EEFSEC: variants seen among roughly 807,000 people sequenced by gnomAD.
EEFSEC encodes the protein selenocysteine-specific elongation factor.
Under a neutral mutation model 42.1 loss-of-function variants are expected in EEFSEC, and 43 were observed. The ratio of observed to expected loss-of-function variants is 1.02; its 90% CI spans 0.80 to 1.32. EEFSEC has a LOEUF of 1.32. EEFSEC is among the 40% of genes most tolerant of loss of function. The pLI is 0.00. For synonymous variants in EEFSEC, 354 were observed against 339.1 expected (o/e 1.04, Z -0.48); for missense variants, 745 against 803.6 (o/e 0.93, Z 0.88).
intron 6 of EEFSEC, among the ~76,000 whole-genome samples, chr3:128,384,743 C>T (rs896613305): frequency 3.9e-5 from 6 of 152,168 alleles, no homozygotes; most frequent in Non-Finnish European, 7.4e-5. Context: ...TTCATTCAGC[C>T]GCTGTTTCCC....
rs183565239 is a variant in EEFSEC at position 128,374,128 on chromosome 3, T to C, written c.1600+15755T>C. 3.9e-5 allele frequency among the ~76,000 whole-genome samples: 6 copies of C among 152,310 alleles called. No individual in the cohort carries two copies. The East Asian group carries it at 9.7e-4, about 25-fold the overall frequency. On this transcript the variant is annotated intron_variant, in intron 6 of 6. Coordinates refer to ENST00000254730, the MANE Select transcript of EEFSEC (RefSeq NM_021937.5). ...CTCTGGAGGGTGCAGTTGGAAACCA[T>C]GAGTATGAAGTGCCCACCCAGGGTC... is the stretch of plus-strand genomic sequence containing the variant.
intron 6 of EEFSEC, among the ~76,000 whole-genome samples, chr3:128,376,079 G>C: frequency 6.6e-6 from 1 of 152,186 alleles, no homozygotes; most frequent in East Asian, 1.9e-4. Context: ...TGGTCTTCCA[G>C]CTGCAAGTCC....
At chr3:128,363,506 C>T (rs2067553908) in intron 6 of EEFSEC, among the ~76,000 whole-genome samples, 1 of 152,168 alleles carries the variant, frequency 6.6e-6, no homozygotes, top group Non-Finnish European at 1.5e-5. Context: ...GGTCATTCAG[C>T]TCAGTGGGCC....
chr3:128,385,627 G>A (rs1005527726), intron 6 of EEFSEC, among the ~76,000 whole-genome samples: 4 of 152,224 alleles, frequency 2.6e-5, no homozygotes, highest in African/African-American at 4.8e-5. Context: ...TGCCCAGCAC[G>A]TGCTGACTGT....
rs143194706 is a variant in EEFSEC at position 128,375,484 on chromosome 3, C to T, written c.1600+17111C>T. Among the ~76,000 whole-genome samples, 10 of 152,314 alleles carry T rather than the reference C, an allele frequency of 6.6e-5. No individual in the cohort carries two copies. The East Asian group carries it at 9.7e-4, about 15-fold the overall frequency. ...TATGGCATTTGGCATGCTTCGCAGT[C>T]GGTCTCCCACCAGCCTTCTCTGCCT... On this transcript the variant is annotated intron_variant, in intron 6 of 6. Transcript: ENST00000254730.
the EEFSEC span, among the ~76,000 whole-genome samples, chr3:128,422,979 C>T: frequency 6.6e-6 from 1 of 152,252 alleles, no homozygotes; most frequent in Non-Finnish European, 1.5e-5. Context: ...CAGGCCCACA[C>T]CAACCATGGC....
intron 1 of EEFSEC, among the ~76,000 whole-genome samples, chr3:128,158,070 CTG>C (rs1419093844): frequency 6.6e-6 from 1 of 152,142 alleles, no homozygotes; most frequent in Non-Finnish European, 1.5e-5. Flanking sequence ...TCATGGATGA[CTG>C]AGGGGTTCAA....
At chr3:128,410,886 G>A (rs1357367146), downstream of EEFSEC, among the ~76,000 whole-genome samples, 1 of 152,172 alleles carries the variant, frequency 6.6e-6, no homozygotes, top group Non-Finnish European at 1.5e-5. Flanking sequence ...GCTCCTCAAA[G>A]TCCCGGGAAG....
chr3:128,173,141 G>T (rs2065315488), intron 1 of EEFSEC, among the ~76,000 whole-genome samples: 1 of 152,154 alleles, frequency 6.6e-6, no homozygotes, highest in Non-Finnish European at 1.5e-5. Flanking sequence ...TTATTAGAAG[G>T]GTCTGGGTAG....
intron 4 of EEFSEC, among the ~76,000 whole-genome samples, chr3:128,265,494 C>G (rs1166544621): frequency 6.6e-6 from 1 of 152,196 alleles, no homozygotes; most frequent in African/African-American, 2.4e-5. Context: ...CTTACAGCCT[C>G]ATTGACTGCC....
chr3:128,219,414 C>A (rs569107374), intron 1 of EEFSEC, among the ~76,000 whole-genome samples: 2 of 152,292 alleles, frequency 1.3e-5, no homozygotes, highest in Admixed American at 1.3e-4. Flanking sequence ...TGACCCAGCC[C>A]ACTCCTGTCA....
At chr3:128,388,876 C>G (rs1178932816) in intron 6 of EEFSEC, among the ~76,000 whole-genome samples, 1 of 152,204 alleles carries the variant, frequency 6.6e-6, no homozygotes, top group Non-Finnish European at 1.5e-5. Flanking sequence ...AGCTGCAGGT[C>G]TGCTGTTGGT....
At chr3:128,193,309 G>C (rs954584382) in intron 1 of EEFSEC, among the ~76,000 whole-genome samples, 3 of 152,232 alleles carry the variant, frequency 2.0e-5, no homozygotes, top group Non-Finnish European at 2.9e-5. Flanking sequence ...CAGCCTCCAA[G>C]GGAGGCAGAG....
At chr3:128,374,332 G>A (rs1165309017) in intron 6 of EEFSEC, among the ~76,000 whole-genome samples, 3 of 152,042 alleles carry the variant, frequency 2.0e-5, no homozygotes, top group East Asian at 2.0e-4. Flanking sequence ...TTGTGTAAGC[G>A]GACCGTGCTT....
chr3:128,250,560 T>A (rs193163293), intron 2 of EEFSEC, among the ~76,000 whole-genome samples: 77 of 152,292 alleles, frequency 5.1e-4, no homozygotes, highest in African/African-American at 1.8e-3. Context: ...TATGTGTGGG[T>A]TTATTTCTAG....
chr3:128,295,063 C>T (rs1369114331), intron 4 of EEFSEC, among the ~76,000 whole-genome samples: 5 of 152,164 alleles, frequency 3.3e-5, no homozygotes, highest in African/African-American at 4.8e-5. Flanking sequence ...GGTGTTTGTC[C>T]GTTGCTGGAA....
chr3:128,357,900 C>T (rs1329941878), intron 5 of EEFSEC, among the ~76,000 whole-genome samples: 1 of 151,196 alleles, frequency 6.6e-6, no homozygotes, highest in Admixed American at 6.6e-5. Flanking sequence ...GCCGTGCCTC[C>T]ATTTCCTCAT....
chr3:128,198,968 A>T (rs1051109642), intron 1 of EEFSEC, among the ~76,000 whole-genome samples: 5 of 151,952 alleles, frequency 3.3e-5, no homozygotes, highest in African/African-American at 1.2e-4. Flanking sequence ...AGTACCTGGG[A>T]CTATAGGCAT....
At chr3:128,342,758 G>A (rs902332150) in intron 5 of EEFSEC, among the ~76,000 whole-genome samples, 1 of 152,248 alleles carries the variant, frequency 6.6e-6, no homozygotes, top group African/African-American at 2.4e-5. Context: ...CCAGTGCTGG[G>A]TGGGATGGGC....
Sources: gnomAD v4.1 joint callset for allele counts (sites outside exome capture counted in the v4.1 genomes callset) on GRCh38, gnomAD v4.1.1 for gene constraint, MANE v1.5 for transcripts, NCBI Gene and HGNC (gene_info 2026-07-23, HGNC 2026-07-21) for gene names.